Variants in CDH9 observed in about 807,000 individuals in gnomAD.
CDH9 encodes cadherin 9.
Under a neutral mutation model 70.9 loss-of-function variants are expected in CDH9, and 28 were observed. That is an observed-to-expected ratio of 0.40 (90% CI 0.29 to 0.54). The LOEUF is 0.54. Ranked by LOEUF, CDH9 falls within the 20% of genes least tolerant of loss-of-function variation. The probability of loss-of-function intolerance (pLI) is 0.59; values close to 1 mark genes in which losing one functional copy is unlikely to be tolerated. For synonymous variants in CDH9, 409 were observed against 343.1 expected (o/e 1.19, Z -2.12); for missense variants, 874 against 984.4 (o/e 0.89, Z 1.50).
At chr5:26,937,859 T>G (rs1741587130) in intron 2 of CDH9, among the ~76,000 whole-genome samples, 1 of 151,988 alleles carries the variant, frequency 6.6e-6, no homozygotes, top group Non-Finnish European at 1.5e-5. Context: ...AGGGGAATTT[T>G]TAGGTGGTGA....
At chr5:26,963,876 C>T (rs757233594) in intron 2 of CDH9, among the ~76,000 whole-genome samples, 7 of 152,006 alleles carry the variant, frequency 4.6e-5, no homozygotes, top group Non-Finnish European at 8.8e-5. Flanking sequence ...AAAGAAATAA[C>T]ACTGATATGG....
At chr5:26,965,752 A>T (rs988219489) in intron 2 of CDH9, among the ~76,000 whole-genome samples, 4 of 152,048 alleles carry the variant, frequency 2.6e-5, no homozygotes, top group Non-Finnish European at 5.9e-5. Context: ...ACAGAGTGAC[A>T]GTAAGAGCCA....
intron 7 of CDH9, among the ~76,000 whole-genome samples, chr5:26,894,741 T>G (rs1740720007): frequency 6.6e-6 from 1 of 152,080 alleles, no homozygotes; most frequent in African/African-American, 2.4e-5. Flanking sequence ...CAAAGCTATC[T>G]CTATGTTCCA....
At chr5:26,896,133 G>T (rs562929786) in intron 7 of CDH9, among the ~76,000 whole-genome samples, 1 of 151,834 alleles carries the variant, frequency 6.6e-6, no homozygotes, top group Non-Finnish European at 1.5e-5. Context: ...AATTATAATT[G>T]ATTATTTCTA....
Position 26,885,699 on chromosome 5 carries a change from G to A in CDH9, c.1797C>T (p.Ser599=). The change falls in exon 11 of 12, where the codon TCC becomes TCT. Residue 599 remains serine, a synonymous_variant. Transcript: ENST00000231021. ...AAAGGATCAGGGCTTCTGCGGTGCA[G>A]GATTGCATGTTTCCTTGATTATCGC... ...CACDNQGNMQ[S]CTAEALILSA... 2 of 1,613,554 alleles carry A rather than the reference G, an allele frequency of 1.2e-6. No homozygotes were observed. Among genetic ancestry groups the A allele is most frequent in the South Asian group, 1.1e-5 (1 of 91,044 alleles).
Position 26,902,674 on chromosome 5 carries a change from G to C in CDH9, c.1055C>G (p.Thr352Ser). The C allele has an allele frequency of 6.3e-7, 1 of 1,577,664 alleles. No individual in the cohort carries two copies. The highest frequency in any genetic ancestry group is 8.7e-7 in the Non-Finnish European group (1 of 1,147,346). The change falls in exon 7 of 12, where the codon ACT (threonine) becomes AGT (serine). Residue 352 changes from threonine (T) to serine (S), a missense_variant. Thr to Ser is a moderately conservative substitution (Grantham distance 58, BLOSUM62 1). Coordinates refer to ENST00000231021, the MANE Select transcript of CDH9 (RefSeq NM_016279.4). ...GTGTAAGAATCGTGGATCAGGGTGA[G>C]TGTTACTTGCATCCACTCTTAAAGT... ...LYTLRVDASN[T>S]HPDPRFLHLG...
chr5:26,923,629 T>G (rs935692162), intron 2 of CDH9, among the ~76,000 whole-genome samples: 2 of 152,000 alleles, frequency 1.3e-5, no homozygotes, highest in Non-Finnish European at 2.9e-5. Context: ...CATACATTCT[T>G]ATTGATAATT....
At chr5:27,003,820 G>A (rs1742811661) in intron 1 of CDH9, among the ~76,000 whole-genome samples, 2 of 151,812 alleles carry the variant, frequency 1.3e-5, no homozygotes, top group Admixed American at 1.3e-4. Context: ...AAAAACATAG[G>A]AGGTATAAAT....
chr5:26,976,198 G>T (rs1742300203), intron 2 of CDH9, among the ~76,000 whole-genome samples: 1 of 152,066 alleles, frequency 6.6e-6, no homozygotes, highest in African/African-American at 2.4e-5. Context: ...GCAGGGGCAA[G>T]TTCTAGACGT....
intron 6 of CDH9, chr5:26,903,195 T>A (rs566210540): frequency 5.8e-5 from 16 of 275,858 alleles, no homozygotes; most frequent in South Asian, 5.1e-4. Flanking sequence ...GCTCTATTAT[T>A]AGATGTAAAG....
chr5:26,908,387 G>A (rs1289286154), intron 3 of CDH9, among the ~76,000 whole-genome samples: 2 of 151,588 alleles, frequency 1.3e-5, no homozygotes, highest in African/African-American at 2.4e-5. Flanking sequence ...AACCCTATGT[G>A]ATATATATTA....
intron 2 of CDH9, among the ~76,000 whole-genome samples, chr5:26,949,446 G>A (rs900420740): frequency 6.6e-6 from 1 of 152,168 alleles, no homozygotes; most frequent in African/African-American, 2.4e-5. Flanking sequence ...TTCCAAGGAA[G>A]GCTGCATCTA....
At chr5:26,994,968 A>G (rs1157894105) in intron 1 of CDH9, among the ~76,000 whole-genome samples, 1 of 152,150 alleles carries the variant, frequency 6.6e-6, no homozygotes, top group Non-Finnish European at 1.5e-5. Context: ...AACCTTTTGA[A>G]AAATAGCTTA....
chr5:26,902,659 C>T lies in CDH9; in HGVS notation c.1070G>A (p.Arg357Gln), dbSNP rs749402733. 8.8e-6 allele frequency: 14 copies of T among 1,588,222 alleles called. No homozygotes were observed. Among genetic ancestry groups the T allele is most frequent in the Middle Eastern group, 3.3e-4 (2 of 6,040 alleles). Residue 357 changes from arginine to glutamine, a missense_variant, in exon 7 of 12, where the codon CGA becomes CAA. Physicochemically the swap from Arg to Gln is conservative, Grantham distance 43 (BLOSUM62 1). Transcript: ENST00000231021. ...TTTGAAAGGTCCCAGGTGTAAGAAT[C>T]GTGGATCAGGGTGAGTGTTACTTGC... Reference protein sequence around the residue: ...VDASNTHPDPRFLHLGPFKDT... With the variant: ...VDASNTHPDPQFLHLGPFKDT...
At chr5:26,907,311 C>A (rs958006627) in intron 3 of CDH9, among the ~76,000 whole-genome samples, 1 of 152,010 alleles carries the variant, frequency 6.6e-6, no homozygotes, top group East Asian at 1.9e-4. Context: ...GAGAAAATTT[C>A]TATGAAGAAA....
chr5:27,002,031 G>C (rs966570767), intron 1 of CDH9, among the ~76,000 whole-genome samples: 1 of 151,966 alleles, frequency 6.6e-6, no homozygotes, highest in African/African-American at 2.4e-5. Context: ...ATCTGACAAA[G>C]GGCTAATATT....
rs145308014 is a variant in CDH9, at chr5:27,011,302, C to T, written c.-49-22920G>A. Among the ~76,000 whole-genome samples, 5 of 152,122 alleles carry T rather than the reference C, an allele frequency of 3.3e-5. No individual in the cohort carries two copies. In the East Asian group the frequency reaches 7.7e-4, roughly 24 times the overall value. On this transcript the variant is annotated intron_variant, in intron 1 of 11. Transcript: ENST00000231021. ...CCTTACGTGGAAACAGAACAGTTGACGATGTAATCAGGTTAAGACGAAGTC... is the reference window on the plus strand; with the variant it reads ...CCTTACGTGGAAACAGAACAGTTGATGATGTAATCAGGTTAAGACGAAGTC...
At chr5:26,987,763 T>C (rs1024444396) in intron 2 of CDH9, among the ~76,000 whole-genome samples, 1 of 152,076 alleles carries the variant, frequency 6.6e-6, no homozygotes, top group African/African-American at 2.4e-5. Context: ...TTATTTCTCA[T>C]ACAGAGTACA....
chr5:26,937,684 T>G (rs1741584165), intron 2 of CDH9, among the ~76,000 whole-genome samples: 1 of 151,892 alleles, frequency 6.6e-6, no homozygotes, highest in Non-Finnish European at 1.5e-5. Flanking sequence ...TAGAAGGAAA[T>G]TAAATTCATG....
Sources: allele counts gnomAD v4.1 joint callset (sites outside exome capture counted in the v4.1 genomes callset), GRCh38; gene constraint gnomAD v4.1.1; transcripts MANE v1.5; gene names NCBI Gene and HGNC (gene_info 2026-07-23, HGNC 2026-07-21).